The following PRKG1 variants were observed in gnomAD, a reference collection of about 807,000 sequenced individuals.
The protein encoded by PRKG1 is protein kinase cGMP-dependent 1.
PRKG1 carries 35 observed loss-of-function variants against 88.1 expected under a neutral mutation model. The observed-to-expected ratio is 0.40, with a 90% CI of 0.30 to 0.53. The LOEUF (loss-of-function observed/expected upper bound fraction) is 0.53. PRKG1 is among the 20% of genes least tolerant of loss of function. The pLI is 0.59. For synonymous variants in PRKG1, 303 were observed against 292.5 expected (o/e 1.04, Z -0.37); for missense variants, 540 against 839.8 (o/e 0.64, Z 4.41).
intron 3 of PRKG1, among the ~76,000 whole-genome samples, chr10:51,606,438 A>G (rs1187231529): frequency 6.6e-6 from 1 of 152,164 alleles, no homozygotes; most frequent in Non-Finnish European, 1.5e-5. Context: ...AGAAGTATGT[A>G]TGTGGTTTAT....
intron 4 of PRKG1, among the ~76,000 whole-genome samples, chr10:51,818,168 A>G (rs1420885782): frequency 6.6e-6 from 1 of 152,148 alleles, no homozygotes; most frequent in African/African-American, 2.4e-5. Context: ...ACACATCAAA[A>G]TTAGCTTTTG....
At chr10:51,262,822 C>T (rs558175278) in intron 2 of PRKG1, among the ~76,000 whole-genome samples, 2 of 152,268 alleles carry the variant, frequency 1.3e-5, no homozygotes, top group African/African-American at 2.4e-5. Context: ...CATGAAAACT[C>T]ACTCACAATC....
chr10:51,592,595 C>A (rs540702168), intron 3 of PRKG1, among the ~76,000 whole-genome samples: 1 of 152,252 alleles, frequency 6.6e-6, no homozygotes, highest in South Asian at 2.1e-4. Flanking sequence ...GTCCCTAGGA[C>A]TAGCCAAGAA....
chr10:51,459,802 T>G (rs1420595011), intron 2 of PRKG1, among the ~76,000 whole-genome samples: 1 of 152,140 alleles, frequency 6.6e-6, no homozygotes, highest in Non-Finnish European at 1.5e-5. Context: ...ACTTCTAATT[T>G]CAGGTGACAT....
chr10:51,505,875 G>T (rs1292536838), intron 3 of PRKG1, among the ~76,000 whole-genome samples: 3 of 151,752 alleles, frequency 2.0e-5, no homozygotes, highest in East Asian at 1.9e-4. Context: ...TTCTTTATTA[G>T]TCTTGCTAGC....
intron 3 of PRKG1, among the ~76,000 whole-genome samples, chr10:51,476,234 A>G (rs965327508): frequency 3.3e-5 from 5 of 151,996 alleles, no homozygotes; most frequent in African/African-American, 9.7e-5. Flanking sequence ...GGCCTACAGT[A>G]TTGAAGGATA....
chr10:51,956,350 A>G (rs1460519037), intron 5 of PRKG1, among the ~76,000 whole-genome samples: 1 of 151,660 alleles, frequency 6.6e-6, no homozygotes, highest in Non-Finnish European at 1.5e-5. Flanking sequence ...TGTATTAATT[A>G]TATATTAATA....
chr10:52,058,222 G>A (rs1394885423), intron 6 of PRKG1, among the ~76,000 whole-genome samples: 1 of 151,998 alleles, frequency 6.6e-6, no homozygotes, highest in Non-Finnish European at 1.5e-5. Flanking sequence ...TAACTTTAAT[G>A]TTAATTTCTC....
chr10:51,621,044 ATG>A (rs1839198014), intron 3 of PRKG1, among the ~76,000 whole-genome samples: 1 of 102,216 alleles, frequency 9.8e-6, no homozygotes, highest in African/African-American at 2.9e-5. Flanking sequence ...ACTCCTATAT[ATG>A]TGTGTGTCAT....
At chr10:52,001,486 T>A (rs1279742288) in intron 5 of PRKG1, among the ~76,000 whole-genome samples, 8 of 151,984 alleles carry the variant, frequency 5.3e-5, no homozygotes, top group Admixed American at 5.2e-4. Context: ...ATACAACTTT[T>A]TTTGTCAGTC....
At chr10:51,467,950 T>A in intron 3 of PRKG1, 114 bp downstream of exon 3, 1 of 929,272 alleles carries the variant, frequency 1.1e-6, no homozygotes, top group Non-Finnish European at 1.7e-6. Context: ...CTTTGTATTT[T>A]AATTTTTGCC....
rs552073521 is a variant in PRKG1 at position 51,489,878 on chromosome 10, A to T, written c.592+22042A>T. ...ATATTCAATAGCTAGTCATTTTCAG[A>T]TTATTAAGAATGTTCTATGACCTGT... On this transcript the variant is annotated intron_variant, in intron 3 of 17. Coordinates refer to ENST00000373980, the MANE Select transcript of PRKG1 (RefSeq NM_006258.4). 4.7e-3 allele frequency among the ~76,000 whole-genome samples: 711 copies of T among 152,284 alleles called. 4 individuals carry two copies. The highest frequency in any genetic ancestry group is 0.017 in the African/African-American group (686 of 41,572).
At chr10:51,958,836 A>G (rs1369668979) in intron 5 of PRKG1, among the ~76,000 whole-genome samples, 4 of 152,162 alleles carry the variant, frequency 2.6e-5, no homozygotes, top group Admixed American at 2.6e-4. Context: ...TAATCAGGAC[A>G]TAAAGTCAAA....
intron 3 of PRKG1, among the ~76,000 whole-genome samples, chr10:51,675,478 A>G (rs1249890300): frequency 6.6e-6 from 1 of 152,198 alleles, no homozygotes; most frequent in Non-Finnish European, 1.5e-5. Context: ...CATTAAGTCT[A>G]AAAAATAAGA....
At chr10:52,219,869 A>G (rs1840199808) in intron 9 of PRKG1, among the ~76,000 whole-genome samples, 1 of 152,202 alleles carries the variant, frequency 6.6e-6, no homozygotes. Context: ...GAAAAAATAA[A>G]CATACATTTC....
At chr10:51,002,700 G>A (rs1017527705) in intron 1 of PRKG1, among the ~76,000 whole-genome samples, 40 of 152,302 alleles carry the variant, frequency 2.6e-4, no homozygotes, top group African/African-American at 9.6e-4. Context: ...GGGCCTGGAT[G>A]TGAAGCAGTC....
chr10:51,441,864 G>A (rs548575124), intron 2 of PRKG1, among the ~76,000 whole-genome samples: 1 of 151,840 alleles, frequency 6.6e-6, no homozygotes, highest in Non-Finnish European at 1.5e-5. Context: ...GCCTCTCATA[G>A]TTTCTTCTTT....
intron 2 of PRKG1, among the ~76,000 whole-genome samples, chr10:51,347,683 C>G (rs577382332): frequency 6.6e-6 from 1 of 152,184 alleles, no homozygotes; most frequent in Non-Finnish European, 1.5e-5. Flanking sequence ...TTACAATCAT[C>G]GTTCTTCTTG....
intron 9 of PRKG1, among the ~76,000 whole-genome samples, chr10:52,167,826 C>T (rs1328321149): frequency 6.6e-6 from 1 of 152,154 alleles, no homozygotes; most frequent in Non-Finnish European, 1.5e-5. Flanking sequence ...ATGGGAAGTT[C>T]TGACAACTAT....
Sources: gnomAD v4.1 joint callset for allele counts (sites outside exome capture counted in the v4.1 genomes callset) on GRCh38, gnomAD v4.1.1 for gene constraint, MANE v1.5 for transcripts, NCBI Gene and HGNC (gene_info 2026-07-23, HGNC 2026-07-21) for gene names.